The following GTF2F2 variants were observed in gnomAD, a reference collection of about 807,000 sequenced individuals.
GTF2F2 encodes general transcription factor IIF subunit 2.
In GTF2F2, 23 loss-of-function variants were observed where a neutral mutation model predicts 42.2. That is an observed-to-expected ratio of 0.55 (90% confidence interval 0.39 to 0.77). The LOEUF is 0.77. Among genes scored for constraint, GTF2F2 ranks in the 30% least tolerant of loss-of-function variants. The pLI, the probability that GTF2F2 is intolerant of heterozygous loss-of-function variation, is 0.00. For synonymous variants in GTF2F2, 105 were observed against 100.8 expected, an observed-to-expected ratio of 1.04 and a Z score of -0.25; for missense variants, 261 against 287.2, an observed-to-expected ratio of 0.91 and a Z score of 0.66.
At chr13:45,180,717 T>C (rs1191217425) in intron 4 of GTF2F2, among the ~76,000 whole-genome samples, 1 of 152,190 alleles carries the variant, frequency 6.6e-6, no homozygotes, top group Non-Finnish European at 1.5e-5. Context: ...CAATAAAAAT[T>C]TATTTAATTA....
intron 5 of GTF2F2, among the ~76,000 whole-genome samples, chr13:45,214,204 T>A (rs1873803206): frequency 6.6e-6 from 1 of 152,222 alleles, no homozygotes; most frequent in African/African-American, 2.4e-5. Flanking sequence ...TTCTTACAGC[T>A]CTCTGCTGTT....
At chr13:45,169,805 AT>A (rs962064770) in intron 4 of GTF2F2, among the ~76,000 whole-genome samples, 2 of 151,934 alleles carry the variant, frequency 1.3e-5, no homozygotes, top group African/African-American at 2.4e-5. Context: ...TTCTAGACTA[AT>A]TTTTTTTACA....
intron 5 of GTF2F2, among the ~76,000 whole-genome samples, chr13:45,237,181 G>A (rs1875036123): frequency 6.6e-6 from 1 of 151,848 alleles, no homozygotes; most frequent in Non-Finnish European, 1.5e-5. Context: ...TATGTTTTTC[G>A]GTGCTGTGGT....
rs1030719527 is a variant in GTF2F2 at position 45,120,537 on chromosome 13, G to C, written c.-119G>C. ...CGGTTCCCAGTGTTCTGGCAGGTAA[G>C]GAACGCCGGCTCTTCGCCTCTCAGC... On this transcript the variant is annotated 5_prime_UTR_variant, in exon 1 of 8. Coordinates refer to ENST00000340473, the MANE Select transcript of GTF2F2 (RefSeq NM_004128.3). The C allele has an allele frequency of 2.2e-4, 158 of 706,560 alleles. No homozygotes were observed. The highest frequency in any genetic ancestry group is 7.7e-4 in the Middle Eastern group (2 of 2,586). The allele number at this position is 706,560 out of a possible 1,614,324, so 43.8% of individuals were successfully genotyped here.
At chr13:45,228,941 A>G (rs1874525464) in intron 5 of GTF2F2, among the ~76,000 whole-genome samples, 1 of 152,084 alleles carries the variant, frequency 6.6e-6, no homozygotes, top group South Asian at 2.1e-4. Context: ...AAGTGTTGGG[A>G]TTACAGGCAT....
chr13:45,151,777 G>A lies in GTF2F2; in HGVS notation c.250G>A (p.Val84Ile). The A allele has an allele frequency of 6.3e-7, 1 of 1,585,992 alleles. No individual in the cohort carries two copies. Among genetic ancestry groups the A allele is most frequent in the Non-Finnish European group, 8.6e-7 (1 of 1,160,156 alleles). Residue 84 changes from valine to isoleucine, a missense_variant, in exon 4 of 8, where the codon GTC becomes ATC. Transcript: ENST00000340473. ...SVSAPREHPF[V>I]LQSVGGQTLT... ...CAGTGCTCCTAGAGAACATCCATTT[G>A]TCTTGCAAAGTGTTGGAGGACAGAC...
At chr13:45,140,966 T>C (rs2138106321) in intron 2 of GTF2F2, among the ~76,000 whole-genome samples, 1 of 152,362 alleles carries the variant, frequency 6.6e-6, no homozygotes, top group South Asian at 2.1e-4. Context: ...ACTTCTTGTT[T>C]GTAAAATGTG....
At chr13:45,197,608 TAGG>T (rs1872968186) in intron 4 of GTF2F2, among the ~76,000 whole-genome samples, 1 of 152,056 alleles carries the variant, frequency 6.6e-6, no homozygotes, top group Non-Finnish European at 1.5e-5. Context: ...ATGGAAATTA[TAGG>T]AGTTCATTGA....
chr13:45,196,965 G>A (rs974413807), intron 4 of GTF2F2, among the ~76,000 whole-genome samples: 3 of 151,914 alleles, frequency 2.0e-5, no homozygotes, highest in Admixed American at 6.6e-5. Context: ...ATGAGTGCTC[G>A]TTTCTGCAGG....
chr13:45,231,100 T>G (rs1874655724), intron 5 of GTF2F2, among the ~76,000 whole-genome samples: 1 of 151,752 alleles, frequency 6.6e-6, no homozygotes, highest in African/African-American at 2.4e-5. Context: ...ATTTATTTTT[T>G]TATTTATTAT....
chr13:45,245,129 A>G (rs77449560), intron 5 of GTF2F2, among the ~76,000 whole-genome samples: 1 of 152,128 alleles, frequency 6.6e-6, no homozygotes, highest in Non-Finnish European at 1.5e-5. Flanking sequence ...CTTATTTTCA[A>G]CTGGAATAGT....
chr13:45,211,477 C>CAAACTCCT (rs1873639165), intron 5 of GTF2F2, among the ~76,000 whole-genome samples: 1 of 150,882 alleles, frequency 6.6e-6, no homozygotes, highest in South Asian at 2.1e-4. Flanking sequence ...CTATGTTGCC[C>CAAACTCCT]AGGCTGATCT....
chr13:45,149,759 C>T lies in GTF2F2; in HGVS notation c.141-11C>T, dbSNP rs371204794. The T allele has an allele frequency of 2.2e-5, 33 of 1,501,330 alleles. No homozygotes were observed. In the African/African-American group the frequency reaches 4.2e-4, roughly 19 times the overall value. 93.0% of individuals were successfully genotyped at this position (1,501,330 alleles called of 1,614,324 possible). On this transcript the variant is annotated splice_polypyrimidine_tract_variant and intron_variant, in intron 2 of 7. Coordinates refer to ENST00000340473, the MANE Select transcript of GTF2F2 (RefSeq NM_004128.3). Reference sequence around the variant, plus strand: ...TAAATTATTTTAAATATTTCTTTTCCTCTCCTTTAGGACTCAAGGAAGGAC... The same window carrying T: ...TAAATTATTTTAAATATTTCTTTTCTTCTCCTTTAGGACTCAAGGAAGGAC...
At chr13:45,163,422 G>C (rs1871127655) in intron 4 of GTF2F2, among the ~76,000 whole-genome samples, 1 of 152,116 alleles carries the variant, frequency 6.6e-6, no homozygotes, top group Admixed American at 6.5e-5. Flanking sequence ...TGTAGCACCA[G>C]CTGTTCTGGA....
rs761914958 is a variant in GTF2F2, at chr13:45,165,331, A to ATATT, written c.304+13501_304+13502insATTT. Among the ~76,000 whole-genome samples the ATATT allele has an allele frequency of 4.8e-3, 653 of 136,882 alleles. 2 individuals carry two copies. Among genetic ancestry groups the ATATT allele is most frequent in the African/African-American group, 9.3e-3 (325 of 34,810 alleles). 89.8% of individuals were successfully genotyped at this position (136,882 alleles called of 152,430 possible). ...CTAAAATATATATATATATATATAT[A>ATATT]TTTTTTTTTTCTTTGAGACAAAGTC... is the stretch of plus-strand genomic sequence containing the variant. On this transcript the variant is annotated intron_variant, in intron 4 of 7. Transcript: ENST00000340473.
intron 5 of GTF2F2, 69 bp downstream of exon 5, chr13:45,207,574 T>C: frequency 1.1e-6 from 1 of 932,652 alleles, no homozygotes; most frequent in Admixed American, 1.8e-5. Context: ...GTGTGTTATA[T>C]CGCCTATTGA....
At chr13:45,152,165 T>C (rs1303226511) in intron 4 of GTF2F2, among the ~76,000 whole-genome samples, 4 of 152,194 alleles carry the variant, frequency 2.6e-5, no homozygotes, top group Non-Finnish European at 4.4e-5. Context: ...TCTGCCCACC[T>C]TGGCCTCCCA....
At chr13:45,124,005 AG>A in intron 1 of GTF2F2, 1 of 1,087,338 alleles carries the variant, frequency 9.2e-7, no homozygotes, top group Non-Finnish European at 1.4e-6. Flanking sequence ...CTGGTGGTCC[AG>A]GGGTCTTACT....
intron 1 of GTF2F2, among the ~76,000 whole-genome samples, chr13:45,135,822 A>G (rs565589433): frequency 2.6e-5 from 4 of 152,226 alleles, no homozygotes; most frequent in Non-Finnish European, 5.9e-5. Context: ...TGCTTTGTGT[A>G]AGGTGTTATG....
Sources: gnomAD v4.1 joint callset for allele counts (sites outside exome capture counted in the v4.1 genomes callset) on GRCh38, gnomAD v4.1.1 for gene constraint, MANE v1.5 for transcripts, NCBI Gene and HGNC (gene_info 2026-07-23, HGNC 2026-07-21) for gene names.